Variants in ARMC3 observed in about 807,000 individuals in gnomAD.
The protein encoded by ARMC3 is armadillo repeat containing 3.
A neutral mutation model predicts 90.3 loss-of-function variants in ARMC3; 74 were observed. The ratio of observed to expected loss-of-function variants is 0.82; its 90% CI spans 0.68 to 0.99. The LOEUF is 0.99. Ranked by LOEUF, ARMC3 falls within the 50% of genes least tolerant of loss-of-function variation. The pLI is 0.00. For synonymous variants in ARMC3, 334 were observed against 361.8 expected (o/e 0.92, Z 0.87); for missense variants, 958 against 1,042.8 (o/e 0.92, Z 1.12).
At chr10:22,982,327 G>A (rs943095904) in intron 10 of ARMC3, among the ~76,000 whole-genome samples, 8 of 152,186 alleles carry the variant, frequency 5.3e-5, no homozygotes, top group African/African-American at 1.2e-4. Flanking sequence ...GCAGTGAGCC[G>A]AGCTCGTGCC....
At chr10:22,958,889 T>C (rs1365778742) in intron 4 of ARMC3, among the ~76,000 whole-genome samples, 181 bp from the exon 5 acceptor site, 2 of 152,054 alleles carry the variant, frequency 1.3e-5, no homozygotes, top group African/African-American at 4.8e-5. Flanking sequence ...ACCTGGCTAA[T>C]TTTTGTTATT....
chr10:22,943,735 C>G (rs964340281), intron 2 of ARMC3, among the ~76,000 whole-genome samples: 1 of 151,884 alleles, frequency 6.6e-6, no homozygotes, highest in Non-Finnish European at 1.5e-5. Context: ...GAGTTGAAGA[C>G]CAGCCTGGAC....
chr10:22,970,594 C>T (rs1482734416), intron 8 of ARMC3, among the ~76,000 whole-genome samples: 1 of 152,136 alleles, frequency 6.6e-6, no homozygotes, highest in Non-Finnish European at 1.5e-5. Flanking sequence ...ACACAGAAGA[C>T]CAAAAGGGGG....
At chr10:22,933,461 T>C (rs2131126893) in intron 2 of ARMC3, among the ~76,000 whole-genome samples, 1 of 152,288 alleles carries the variant, frequency 6.6e-6, no homozygotes, top group East Asian at 1.9e-4. Context: ...CTCCAATCCT[T>C]GGGGACACAA....
At chr10:23,020,129 G>GTTTTGTT (rs71395823) in intron 16 of ARMC3, among the ~76,000 whole-genome samples, 17,830 of 151,490 alleles carry the variant, frequency 0.12, 1,470 homozygotes, top group African/African-American at 0.24. Flanking sequence ...GTTTTGTTTT[G>GTTTTGTT]TTTTGTTTTG....
chr10:23,013,039 C>T (rs1033405228), intron 16 of ARMC3, among the ~76,000 whole-genome samples: 6 of 152,086 alleles, frequency 3.9e-5, no homozygotes, highest in Non-Finnish European at 7.3e-5. Flanking sequence ...CAGATGCGTG[C>T]CATCATGCCC....
At chr10:23,025,693 A>AAGGAG (rs1838690428) in intron 16 of ARMC3, among the ~76,000 whole-genome samples, 1 of 152,110 alleles carries the variant, frequency 6.6e-6, no homozygotes. Flanking sequence ...AAACTAGAAA[A>AAGGAG]AGGAGAGCAA....
chr10:22,947,502 T>C (rs1336007420), intron 3 of ARMC3, among the ~76,000 whole-genome samples: 1 of 152,180 alleles, frequency 6.6e-6, no homozygotes, highest in Non-Finnish European at 1.5e-5. Context: ...AGGTACAAAA[T>C]ACCTAGCCAA....
intron 4 of ARMC3, among the ~76,000 whole-genome samples, chr10:22,957,354 C>T (rs956805422): frequency 6.6e-6 from 1 of 152,188 alleles, no homozygotes; most frequent in African/African-American, 2.4e-5. Flanking sequence ...ACAGCCTCAG[C>T]TACAGAGACT....
intron 3 of ARMC3, chr10:22,946,474 C>A (rs1040557443): frequency 3.1e-5 from 10 of 327,156 alleles, no homozygotes; most frequent in Non-Finnish European, 3.9e-5. Flanking sequence ...CTGGGTAGAA[C>A]AGTCATTCTG....
At chr10:22,961,807 T>C in intron 6 of ARMC3, 77 bp from the exon 7 acceptor site, 1 of 1,243,092 alleles carries the variant, frequency 8.0e-7, no homozygotes, top group South Asian at 1.5e-5. Context: ...TGTTCTTGTG[T>C]TAGAAAACAG....
intron 16 of ARMC3, among the ~76,000 whole-genome samples, chr10:23,017,873 C>T (rs1838344808): frequency 6.6e-6 from 1 of 152,230 alleles, no homozygotes; most frequent in Non-Finnish European, 1.5e-5. Flanking sequence ...TTTTAAGTTC[C>T]TTGTTCTCAA....
chr10:23,008,935 A>G lies in ARMC3; in HGVS notation c.2045+4A>G. On this transcript the variant is annotated splice_donor_region_variant and intron_variant, in intron 16 of 18. Coordinates refer to ENST00000298032, the MANE Select transcript of ARMC3 (RefSeq NM_173081.5). ...CCACCAAAGAAAAAGGATGGAGGTA[A>G]GAAAGTGTCCTGAGTTCCTCATTAC... The G allele has an allele frequency of 1.2e-6, 2 of 1,611,834 alleles. No individual in the cohort carries two copies. Among genetic ancestry groups the G allele is most frequent in the Non-Finnish European group, 1.7e-6 (2 of 1,178,476 alleles).
intron 3 of ARMC3, among the ~76,000 whole-genome samples, chr10:22,951,482 A>G (rs1049145548): frequency 2.0e-5 from 3 of 152,138 alleles, no homozygotes; most frequent in Non-Finnish European, 4.4e-5. Flanking sequence ...TTTCAAGTGG[A>G]TACAGAACAT....
chr10:22,942,942 A>G (rs1834374469), intron 2 of ARMC3, among the ~76,000 whole-genome samples: 2 of 152,252 alleles, frequency 1.3e-5, no homozygotes, highest in Non-Finnish European at 2.9e-5. Context: ...ACTGAGCTAA[A>G]GAAACCAAAT....
At chr10:23,016,616 G>C (rs138090106) in intron 16 of ARMC3, among the ~76,000 whole-genome samples, 241 of 152,286 alleles carry the variant, frequency 1.6e-3, no homozygotes, top group African/African-American at 5.4e-3. Context: ...TGCATGAAAT[G>C]AAATTTATTT....
rs747539219 is a variant in ARMC3 at position 22,968,412 on chromosome 10, T to C, written c.839T>C (p.Leu280Pro). Residue 280 changes from leucine (L) to proline (P), a missense_variant, in exon 8 of 19, where the codon CTG (leucine) becomes CCG (proline). Physicochemically the swap from Leu to Pro is moderately conservative, Grantham distance 98. Coordinates refer to ENST00000298032, the MANE Select transcript of ARMC3 (RefSeq NM_173081.5). ...CAGACAGGGGGTCTTAAAAAGCTCC[T>C]GTCATTTGCAGAAAACTCTACAATT... is the stretch of plus-strand genomic sequence containing the variant. ...IQQTGGLKKL[L>P]SFAENSTIPD... The C allele has an allele frequency of 1.9e-6, 3 of 1,613,072 alleles. No homozygotes were observed. Among genetic ancestry groups the C allele is most frequent in the South Asian group, 1.1e-5 (1 of 90,902 alleles).
intron 16 of ARMC3, among the ~76,000 whole-genome samples, chr10:23,013,502 G>A (rs1327267297): frequency 6.6e-6 from 1 of 152,208 alleles, no homozygotes; most frequent in East Asian, 1.9e-4. Flanking sequence ...GAATTATTAT[G>A]TACATTTAAA....
chr10:23,022,613 T>A (rs1050106722), intron 16 of ARMC3, among the ~76,000 whole-genome samples: 1 of 152,092 alleles, frequency 6.6e-6, no homozygotes, highest in African/African-American at 2.4e-5. Context: ...TCAGTGCCAA[T>A]GACAAGGGGG....
Sources: gnomAD v4.1 joint callset for allele counts (sites outside exome capture counted in the v4.1 genomes callset) on GRCh38, gnomAD v4.1.1 for gene constraint, MANE v1.5 for transcripts, NCBI Gene and HGNC (gene_info 2026-07-23, HGNC 2026-07-21) for gene names.